Variants in NALF1 observed in about 807,000 individuals in gnomAD.
The protein encoded by NALF1 is family with sequence similarity 155 member A.
Under a neutral mutation model 48.4 loss-of-function variants are expected in NALF1, and 3 were observed. That is an observed-to-expected ratio of 0.06 (90% CI 0.03 to 0.16). The LOEUF is 0.16. NALF1 is among the 10% of genes least tolerant of loss of function. The pLI, the probability that NALF1 is intolerant of heterozygous loss-of-function variation, is 1.00. For synonymous variants in NALF1, 262 were observed against 245.7 expected (o/e 1.07, Z -0.62); for missense variants, 526 against 571.5 (o/e 0.92, Z 0.81).
intron 1 of NALF1, among the ~76,000 whole-genome samples, chr13:107,302,171 C>T (rs1168135955): frequency 6.6e-6 from 1 of 152,192 alleles, no homozygotes; most frequent in African/African-American, 2.4e-5. Flanking sequence ...GCCCCTGCAC[C>T]ATGTGATGCC....
At chr13:107,397,318 G>T (rs578011555) in intron 1 of NALF1, among the ~76,000 whole-genome samples, 1 of 152,146 alleles carries the variant, frequency 6.6e-6, no homozygotes. Flanking sequence ...ATTACTTAGA[G>T]ATGCTCCAGG....
chr13:107,418,766 A>G (rs1011448696), intron 1 of NALF1, among the ~76,000 whole-genome samples: 4 of 152,086 alleles, frequency 2.6e-5, no homozygotes, highest in African/African-American at 9.7e-5. Context: ...ATGTGGACTC[A>G]ATGTTTAGTT....
intron 1 of NALF1, among the ~76,000 whole-genome samples, chr13:107,536,437 T>C (rs967209747): frequency 2.3e-4 from 35 of 152,124 alleles, no homozygotes; most frequent in Non-Finnish European, 4.9e-4. Context: ...CAGACACTTC[T>C]CAAAAGAAGA....
intron 2 of NALF1, among the ~76,000 whole-genome samples, chr13:107,179,204 A>G (rs1036355456): frequency 6.6e-6 from 1 of 152,198 alleles, no homozygotes; most frequent in Non-Finnish European, 1.5e-5. Flanking sequence ...GATCCTGGTC[A>G]TTTACAACAA....
At chr13:107,280,162 T>A (rs563992947) in intron 1 of NALF1, among the ~76,000 whole-genome samples, 1 of 152,344 alleles carries the variant, frequency 6.6e-6, no homozygotes, top group South Asian at 2.1e-4. Context: ...TGATCAATAC[T>A]GTACTTTTTA....
intron 1 of NALF1, among the ~76,000 whole-genome samples, chr13:107,365,247 A>C (rs915563296): frequency 6.6e-5 from 10 of 151,832 alleles, no homozygotes; most frequent in African/African-American, 2.4e-4. Flanking sequence ...AAAAAGCCAC[A>C]AGTACAGAAA....
At chr13:107,688,008 T>C (rs1387512520) in intron 1 of NALF1, among the ~76,000 whole-genome samples, 1 of 152,138 alleles carries the variant, frequency 6.6e-6, no homozygotes, top group Non-Finnish European at 1.5e-5. Context: ...ACTTTAACAT[T>C]TTAAAAATAA....
intron 1 of NALF1, among the ~76,000 whole-genome samples, chr13:107,502,561 C>T (rs1875557763): frequency 6.6e-6 from 1 of 152,262 alleles, no homozygotes; most frequent in Non-Finnish European, 1.5e-5. Flanking sequence ...TTACCTTGAA[C>T]ATTCTAAACT....
At chr13:107,198,989 T>A (rs1879452037) in intron 2 of NALF1, among the ~76,000 whole-genome samples, 1 of 152,112 alleles carries the variant, frequency 6.6e-6, no homozygotes, top group Admixed American at 6.6e-5. Flanking sequence ...ACAATATGTG[T>A]GTGTAAGGCC....
At chr13:107,460,690 C>T (rs566958042) in intron 1 of NALF1, among the ~76,000 whole-genome samples, 3 of 152,186 alleles carry the variant, frequency 2.0e-5, no homozygotes, top group East Asian at 1.9e-4. Context: ...GTATACAGTA[C>T]GATATACACT....
intron 1 of NALF1, among the ~76,000 whole-genome samples, chr13:107,486,359 GA>G (rs1219966034): frequency 3.3e-5 from 5 of 152,136 alleles, no homozygotes; most frequent in African/African-American, 1.2e-4. Context: ...CTTTTTAGCT[GA>G]AAGGAATTCT....
chr13:107,245,273 T>C (rs1168264618), intron 1 of NALF1, among the ~76,000 whole-genome samples: 1 of 152,246 alleles, frequency 6.6e-6, no homozygotes, highest in African/African-American at 2.4e-5. Context: ...CGTGGATCAC[T>C]GGAAAGTCAA....
chr13:107,375,214 G>T (rs1883316659), intron 1 of NALF1, among the ~76,000 whole-genome samples: 2 of 152,178 alleles, frequency 1.3e-5, no homozygotes, highest in Admixed American at 1.3e-4. Context: ...ATGTGTGTAT[G>T]TGCATATGTA....
intron 1 of NALF1, among the ~76,000 whole-genome samples, chr13:107,807,392 G>C (rs1035065931): frequency 2.0e-5 from 3 of 152,118 alleles, no homozygotes; most frequent in Admixed American, 1.3e-4. Context: ...ACTTCAAATA[G>C]GGGAACTATT....
intron 1 of NALF1, among the ~76,000 whole-genome samples, chr13:107,358,549 C>T (rs1883004372): frequency 6.6e-6 from 1 of 152,136 alleles, no homozygotes. Context: ...GTTTGGAACA[C>T]TAGGCCTCAT....
chr13:107,837,255 T>C (rs907346741), intron 1 of NALF1, among the ~76,000 whole-genome samples: 1 of 152,166 alleles, frequency 6.6e-6, no homozygotes, highest in Non-Finnish European at 1.5e-5. Flanking sequence ...AATATTGTAG[T>C]TGAAAAGGAA....
chr13:107,726,837 T>C (rs1396527974), intron 1 of NALF1, among the ~76,000 whole-genome samples: 2 of 151,982 alleles, frequency 1.3e-5, no homozygotes, highest in Non-Finnish European at 2.9e-5. Flanking sequence ...TCTGGATCTC[T>C]TGGTGATCCA....
intron 1 of NALF1, among the ~76,000 whole-genome samples, chr13:107,581,943 CAA>C (rs1878324078): frequency 6.6e-6 from 1 of 152,100 alleles, no homozygotes; most frequent in Non-Finnish European, 1.5e-5. Context: ...ATCATTCCCA[CAA>C]AAGATGCCTT....
chr13:107,372,301 T>C (rs1432255718), intron 1 of NALF1, among the ~76,000 whole-genome samples: 4 of 152,238 alleles, frequency 2.6e-5, no homozygotes, highest in Non-Finnish European at 5.9e-5. Context: ...GTGATTTCTA[T>C]TTTAGATACC....
Sources: allele counts gnomAD v4.1 joint callset (sites outside exome capture counted in the v4.1 genomes callset), GRCh38; gene constraint gnomAD v4.1.1; transcripts MANE v1.5; gene names NCBI Gene and HGNC (gene_info 2026-07-23, HGNC 2026-07-21).